ERI3: variants seen among roughly 807,000 people sequenced by gnomAD.
ERI3 encodes ERI1 exoribonuclease family member 3.
Under a neutral mutation model 44.4 loss-of-function variants are expected in ERI3, and 18 were observed. The ratio of observed to expected loss-of-function variants is 0.41; its 90% CI spans 0.28 to 0.60. The LOEUF (loss-of-function observed/expected upper bound fraction) is 0.60, where lower values mean the gene tolerates loss of function less well. Ranked by LOEUF, ERI3 falls within the 20% of genes least tolerant of loss-of-function variation. The pLI is 0.36. For missense variants in ERI3, 294 were observed against 435.5 expected (o/e 0.68, Z 2.89); for synonymous variants, 183 against 164.8 (o/e 1.11, Z -0.84).
Position 44,237,899 on chromosome 1 carries a change from C to T in ERI3, c.931+10040G>A, listed in dbSNP as rs562185408. 2.0e-4 allele frequency among the ~76,000 whole-genome samples: 30 copies of T among 152,192 alleles called. 1 individual carries two copies. The East Asian group carries it at 5.6e-3, about 29-fold the overall frequency. On this transcript the variant is annotated intron_variant, in intron 8 of 8. Coordinates refer to ENST00000372257, the MANE Select transcript of ERI3 (RefSeq NM_024066.3). ...CACCCACGTGCCTGGCCTTGGCTCC[C>T]GGCGGCCGGCAGCACTACCTTGTCC...
Position 44,355,084 on chromosome 1 carries a change from C to T in ERI3, c.-58G>A. On this transcript the variant is annotated 5_prime_UTR_variant, in exon 1 of 9. Transcript: ENST00000372257. ...GGCTCCCTCCAGGTGCAGGCCCCGA[C>T]GTCTCCCTCGGCCTCAGCAAGCGCT... is the stretch of plus-strand genomic sequence containing the variant. 7.8e-7 allele frequency: 1 copy of T among 1,281,836 alleles called. No individual in the cohort carries two copies. The highest frequency in any genetic ancestry group is 9.9e-7 in the Non-Finnish European group (1 of 1,009,258). The allele number at this position is 1,281,836 out of a possible 1,614,324, so 79.4% of individuals were successfully genotyped here. A position where few individuals can be genotyped will look rare whatever the true frequency, so the allele number is the denominator to read the frequency against.
chr1:44,244,492 G>A (rs1285973130), intron 8 of ERI3, among the ~76,000 whole-genome samples: 1 of 152,162 alleles, frequency 6.6e-6, no homozygotes, highest in Non-Finnish European at 1.5e-5. Context: ...GTCTGCCATT[G>A]TTACCAATAC....
chr1:44,249,839 A>C (rs1386597084), intron 7 of ERI3, among the ~76,000 whole-genome samples: 2 of 152,212 alleles, frequency 1.3e-5, no homozygotes, highest in Non-Finnish European at 1.5e-5. Context: ...CTGCCTTTCA[A>C]GTACTTTAAA....
intron 6 of ERI3, among the ~76,000 whole-genome samples, chr1:44,297,099 G>A (rs1168078010): frequency 6.6e-6 from 1 of 152,156 alleles, no homozygotes; most frequent in Non-Finnish European, 1.5e-5. Context: ...AAATCGCAGA[G>A]AAAAAGGCCT....
intron 8 of ERI3, among the ~76,000 whole-genome samples, chr1:44,232,378 T>G (rs1359700914): frequency 6.6e-6 from 1 of 152,166 alleles, no homozygotes; most frequent in Non-Finnish European, 1.5e-5. Flanking sequence ...CAGGCTATGT[T>G]AGGAAAAAGG....
intron 6 of ERI3, among the ~76,000 whole-genome samples, chr1:44,301,761 A>G (rs1484432141): frequency 2.6e-5 from 4 of 152,180 alleles, no homozygotes; most frequent in Non-Finnish European, 5.9e-5. Flanking sequence ...GCGGTCTTCT[A>G]GGTAAAAAGA....
intron 5 of ERI3, 60 bp downstream of exon 5, chr1:44,313,109 A>G: frequency 7.2e-7 from 1 of 1,382,036 alleles, no homozygotes; most frequent in South Asian, 1.2e-5. Context: ...TCAGGAGGGG[A>G]GGGAGAGAAA....
At chr1:44,267,277 G>C (rs541507486) in intron 7 of ERI3, among the ~76,000 whole-genome samples, 9 of 152,316 alleles carry the variant, frequency 5.9e-5, no homozygotes, top group African/African-American at 2.2e-4. Context: ...TTCCTAAGCA[G>C]TTTGTCCTGA....
intron 5 of ERI3, among the ~76,000 whole-genome samples, chr1:44,312,277 A>G (rs1645988259): frequency 6.6e-6 from 1 of 152,158 alleles, no homozygotes. Flanking sequence ...TATGCTTGAT[A>G]AGGTCTGAGC....
At chr1:44,301,203 G>A (rs1003551885) in intron 6 of ERI3, among the ~76,000 whole-genome samples, 3 of 152,166 alleles carry the variant, frequency 2.0e-5, no homozygotes, top group African/African-American at 7.2e-5. Context: ...TAGGGAAACT[G>A]AAAGGAGGGC....
intron 6 of ERI3, among the ~76,000 whole-genome samples, chr1:44,287,590 G>A (rs1413038781): frequency 6.6e-6 from 1 of 152,244 alleles, no homozygotes; most frequent in African/African-American, 2.4e-5. Context: ...CCAACATGAT[G>A]AAGGGGTATC....
rs1295634062 is a variant in ERI3, at chr1:44,228,550, G to A, written c.932-6910C>T. On this transcript the variant is annotated intron_variant, in intron 8 of 8. Transcript: ENST00000372257. This position sits in a 1 kb window ranked among gnomAD's most constrained non-coding sequence, Gnocchi z 4.3. ...AATCCTCATAAAGTGTTTATTAAGCGCTGGTAAAGCTGGGATAATGATGTG... is the reference window on the plus strand; with the variant it reads ...AATCCTCATAAAGTGTTTATTAAGCACTGGTAAAGCTGGGATAATGATGTG... Among the ~76,000 whole-genome samples the A allele has an allele frequency of 1.3e-5, 2 of 152,166 alleles. No individual in the cohort carries two copies. Among genetic ancestry groups the A allele is most frequent in the African/African-American group, 2.4e-5 (1 of 41,428 alleles).
intron 2 of ERI3, among the ~76,000 whole-genome samples, chr1:44,350,921 A>G (rs975143217): frequency 3.3e-5 from 5 of 152,176 alleles, no homozygotes; most frequent in Non-Finnish European, 7.3e-5. Context: ...ATAATGCCAC[A>G]GAAGATAAAA....
rs1047619943 is a variant in ERI3 at position 44,228,569 on chromosome 1, T to C, written c.932-6929A>G. Among the ~76,000 whole-genome samples the C allele has an allele frequency of 2.6e-5, 4 of 152,196 alleles. No homozygotes were observed. The highest frequency in any genetic ancestry group is 4.8e-5 in the African/African-American group (2 of 41,454). ...TTAAGCGCTGGTAAAGCTGGGATAA[T>C]GATGTGTTTGGAAATTAAGGCAATC... On this transcript the variant is annotated intron_variant, in intron 8 of 8. Coordinates refer to ENST00000372257, the MANE Select transcript of ERI3 (RefSeq NM_024066.3). This position sits in a 1 kb window ranked among gnomAD's most constrained non-coding sequence, Gnocchi z 4.3.
At chr1:44,226,821 T>A (rs889332353) in intron 8 of ERI3, among the ~76,000 whole-genome samples, 34 of 107,546 alleles carry the variant, frequency 3.2e-4, no homozygotes, top group Middle Eastern at 4.8e-3. Context: ...ACACAAACTA[T>A]CCTATGTTTT....
At chr1:44,274,159 TCAGCTCCC>T (rs1645137440) in intron 7 of ERI3, among the ~76,000 whole-genome samples, 1 of 152,220 alleles carries the variant, frequency 6.6e-6, no homozygotes, top group Non-Finnish European at 1.5e-5. Context: ...GGGCTATTAT[TCAGCTCCC>T]CAGCCCTGGC....
chr1:44,245,474 C>G (rs1425760370), intron 8 of ERI3, among the ~76,000 whole-genome samples: 2 of 152,192 alleles, frequency 1.3e-5, no homozygotes, highest in African/African-American at 4.8e-5. Context: ...ACACTTTCCC[C>G]AGGGGACTCA....
intron 7 of ERI3, among the ~76,000 whole-genome samples, chr1:44,281,605 T>A (rs1191794387): frequency 2.0e-3 from 233 of 116,470 alleles, no homozygotes; most frequent in Middle Eastern, 0.01. Flanking sequence ...AAAAAAAATA[T>A]ATATATATAT....
At chr1:44,327,271 G>A (rs2154329999) in intron 3 of ERI3, among the ~76,000 whole-genome samples, 1 of 152,330 alleles carries the variant, frequency 6.6e-6, no homozygotes, top group Middle Eastern at 3.4e-3. Flanking sequence ...TCTCTGGATA[G>A]TACTCTGGTT....
Sources: allele counts gnomAD v4.1 joint callset (sites outside exome capture counted in the v4.1 genomes callset), GRCh38; gene constraint gnomAD v4.1.1; non-coding constraint Gnocchi (gnomAD v3.1); transcripts MANE v1.5; gene names NCBI Gene and HGNC (gene_info 2026-07-23, HGNC 2026-07-21).